JAK2: variants seen among roughly 807,000 people sequenced by gnomAD.
JAK2 encodes the protein tyrosine-protein kinase JAK2.
A neutral mutation model predicts 139.3 loss-of-function variants in JAK2; 86 were observed. That is an observed-to-expected ratio of 0.62 (90% CI 0.52 to 0.74). JAK2 has a LOEUF of 0.74. Ranked by LOEUF, JAK2 falls within the 30% of genes least tolerant of loss-of-function variation. The probability of loss-of-function intolerance (pLI) is 0.00; values close to 1 mark genes in which losing one functional copy is unlikely to be tolerated. For missense variants in JAK2, 1,421 were observed against 1,360.3 expected (o/e 1.04, Z -0.70); for synonymous variants, 490 against 437.7 (o/e 1.12, Z -1.49).
chr9:5,116,150 C>G (rs758635233), intron 22 of JAK2, among the ~76,000 whole-genome samples: 6 of 151,904 alleles, frequency 3.9e-5, no homozygotes, highest in Non-Finnish European at 8.8e-5. Context: ...TCATAACAAC[C>G]CTTGGAGAAC....
At chr9:5,042,124 CTTTTT>C (rs71326152) in intron 4 of JAK2, among the ~76,000 whole-genome samples, 9,353 of 107,256 alleles carry the variant, frequency 0.087, 608 homozygotes, top group African/African-American at 0.29. Context: ...GCCAAAATTT[CTTTTT>C]TTTTTTTTTT....
At chr9:5,043,150 G>A (rs1293655705) in intron 4 of JAK2, among the ~76,000 whole-genome samples, 1 of 152,224 alleles carries the variant, frequency 6.6e-6, no homozygotes, top group East Asian at 1.9e-4. Context: ...TGTGCAGGGG[G>A]GTCTGCGGGC....
chr9:5,015,396 G>A (rs1821977622), intron 2 of JAK2, among the ~76,000 whole-genome samples: 2 of 152,196 alleles, frequency 1.3e-5, no homozygotes, highest in Admixed American at 1.3e-4. Flanking sequence ...ATGCCAAGAT[G>A]TTAAATGTCT....
At chr9:5,041,658 C>T (rs1450705709) in intron 4 of JAK2, 2 of 507,958 alleles carry the variant, frequency 3.9e-6, no homozygotes, top group East Asian at 1.1e-4. Flanking sequence ...CGACTACCTG[C>T]GGAAGCTCTC....
Position 5,127,008 on chromosome 9 carries a change from A to G in JAK2, c.*217A>G. The G allele has an allele frequency of 3.2e-6, 1 of 309,348 alleles. No individual in the cohort carries two copies. The highest frequency in any genetic ancestry group is 6.0e-6 in the Non-Finnish European group (1 of 168,018). 19.2% of individuals were successfully genotyped at this position (309,348 alleles called of 1,614,324 possible). A position where few individuals can be genotyped will look rare whatever the true frequency, so the allele number is the denominator to read the frequency against. ...CATTAATGAGAATTCCTTAGCAAGGATTTTGTAAGAAGTTTCTTAAACATT... is the reference window on the plus strand; with the variant it reads ...CATTAATGAGAATTCCTTAGCAAGGGTTTTGTAAGAAGTTTCTTAAACATT... On this transcript the variant is annotated 3_prime_UTR_variant, in exon 25 of 25. Transcript: ENST00000381652.
chr9:5,012,972 G>A (rs1398107567), intron 2 of JAK2, among the ~76,000 whole-genome samples: 2 of 152,056 alleles, frequency 1.3e-5, no homozygotes, highest in African/African-American at 2.4e-5. Context: ...AGTGTATGAT[G>A]GTAGTTGTGG....
intron 22 of JAK2, chr9:5,091,123 G>GTCTT: frequency 2.5e-6 from 1 of 400,206 alleles, no homozygotes; most frequent in Non-Finnish European, 4.4e-6. Context: ...ATTAAGTGTT[G>GTCTT]TCTTATTTAT....
intron 2 of JAK2, among the ~76,000 whole-genome samples, chr9:5,014,952 T>C (rs780753257): frequency 1.3e-5 from 2 of 152,024 alleles, no homozygotes; most frequent in Non-Finnish European, 2.9e-5. Context: ...CGGGGGGAGA[T>C]TTGTTTAACA....
chr9:5,074,447 C>T (rs185047035), intron 14 of JAK2, among the ~76,000 whole-genome samples: 138 of 148,378 alleles, frequency 9.3e-4, no homozygotes, highest in African/African-American at 3.2e-3. Context: ...TTTGGTAATT[C>T]TAGCAACATT....
intron 3 of JAK2, among the ~76,000 whole-genome samples, chr9:5,023,433 C>CG (rs879646651): frequency 6.6e-6 from 1 of 152,044 alleles, no homozygotes; most frequent in Non-Finnish European, 1.5e-5. Context: ...GCTTAGGACT[C>CG]GGGGGGAGCG....
intron 4 of JAK2, chr9:5,040,932 A>G (rs1251935936): frequency 2.6e-6 from 1 of 383,560 alleles, no homozygotes; most frequent in South Asian, 2.2e-5. Context: ...CAGCCTGGCC[A>G]TGGCGGAGCC....
At chr9:5,029,619 A>G (rs1418399695) in intron 3 of JAK2, among the ~76,000 whole-genome samples, 164 bp from the exon 4 acceptor site, 1 of 152,228 alleles carries the variant, frequency 6.6e-6, no homozygotes, top group Non-Finnish European at 1.5e-5. Flanking sequence ...GATTGTGATT[A>G]ATAATTCAGT....
intron 3 of JAK2, among the ~76,000 whole-genome samples, chr9:5,029,334 C>T (rs143765548): frequency 3.3e-5 from 5 of 152,230 alleles, no homozygotes; most frequent in East Asian, 1.9e-4. Context: ...CGGTTCATAG[C>T]GGCCCCAAAT....
At position 5,027,376 on chromosome 9, in the gene JAK2, C is replaced by G. The variant is rs140489340; in HGVS notation, c.227-2407C>G. Among the ~76,000 whole-genome samples the G allele has an allele frequency of 5.3e-5, 8 of 152,186 alleles. No individual in the cohort carries two copies. In the East Asian group the frequency reaches 1.5e-3, roughly 29 times the overall value. ...ATATTATGTCCAAAAAAGTACATAC[C>G]TTAATTTAAAAATACTTTATTGTCA... On this transcript the variant is annotated intron_variant, in intron 3 of 24. Coordinates refer to ENST00000381652, the MANE Select transcript of JAK2 (RefSeq NM_004972.4).
chr9:5,090,130 A>G (rs1035563611), intron 20 of JAK2, among the ~76,000 whole-genome samples: 5 of 152,232 alleles, frequency 3.3e-5, no homozygotes, highest in South Asian at 2.1e-4. Flanking sequence ...TACATTTTCT[A>G]TAAAAATATT....
intron 5 of JAK2, among the ~76,000 whole-genome samples, chr9:5,046,662 A>G (rs904919770): frequency 4.6e-5 from 7 of 152,156 alleles, no homozygotes; most frequent in Non-Finnish European, 7.4e-5. Flanking sequence ...TCTTTTCTCC[A>G]TTGAATGGTC....
intron 2 of JAK2, among the ~76,000 whole-genome samples, chr9:5,015,620 G>A (rs988641255): frequency 6.6e-6 from 1 of 151,316 alleles, no homozygotes; most frequent in Non-Finnish European, 1.5e-5. Context: ...TGCTCACTGC[G>A]GCCTCGGTCT....
intron 5 of JAK2, among the ~76,000 whole-genome samples, chr9:5,048,224 C>A (rs535756348): frequency 8.3e-4 from 127 of 152,184 alleles, no homozygotes; most frequent in African/African-American, 2.8e-3. Flanking sequence ...TCACTGCAAC[C>A]TCTGCCTCCC....
intron 23 of JAK2, among the ~76,000 whole-genome samples, chr9:5,125,792 T>A (rs1225466566): frequency 6.6e-6 from 1 of 151,578 alleles, no homozygotes; most frequent in African/African-American, 2.4e-5. Context: ...ATATGTGAAT[T>A]ATCTCTTCTG....
Sources: gnomAD v4.1 joint callset for allele counts (sites outside exome capture counted in the v4.1 genomes callset) on GRCh38, gnomAD v4.1.1 for gene constraint, MANE v1.5 for transcripts, NCBI Gene and HGNC (gene_info 2026-07-23, HGNC 2026-07-21) for gene names.